Variants in H6PD observed in about 807,000 individuals in gnomAD.
H6PD encodes GDH/6PGL endoplasmic bifunctional protein.
H6PD carries 48 observed loss-of-function variants against 61.2 expected under a neutral mutation model. The ratio of observed to expected loss-of-function variants is 0.78; its 90% CI spans 0.62 to 1.00. The LOEUF (loss-of-function observed/expected upper bound fraction) is 1.00. Ranked by LOEUF, H6PD falls within the 50% of genes least tolerant of loss-of-function variation. The pLI is 0.00. For synonymous variants in H6PD, 480 were observed against 457.9 expected, an observed-to-expected ratio of 1.05 and a Z score of -0.62; for missense variants, 1,093 against 1,065.0, an observed-to-expected ratio of 1.03 and a Z score of -0.37.
Position 9,264,839 on chromosome 1 carries a change from G to A in H6PD, c.2346G>A (p.Trp782Ter). 2.5e-6 allele frequency: 4 copies of A among 1,612,426 alleles called. No individual in the cohort carries two copies. The highest frequency in any genetic ancestry group is 1.3e-5 in the African/African-American group (1 of 75,030). The stretch of plus-strand genomic sequence containing the variant: ...TGCCGCACTCCGGCCAGCTGGTGTG[G>A]TACATGGACTACGACGCCTTCCTGG... ...GVLPHSGQLV[W>*]YMDYDAFLG Residue 782 changes from tryptophan (W) to a stop codon, truncating the protein, a stop_gained, in exon 5 of 5, where the codon TGG becomes TGA. Transcript: ENST00000377403. LOFTEE classifies it high-confidence loss of function.
Position 9,265,083 on chromosome 1 carries a change from A to G in H6PD, c.*214A>G, listed in dbSNP as rs929920105. 2.7e-5 allele frequency: 17 copies of G among 626,188 alleles called. 1 individual carries two copies. The highest frequency in any genetic ancestry group is 1.8e-4 in the African/African-American group (10 of 55,002). 38.8% of individuals were successfully genotyped at this position (626,188 alleles called of 1,614,324 possible). A position where few individuals can be genotyped will look rare whatever the true frequency, so the allele number is the denominator to read the frequency against. On this transcript the variant is annotated 3_prime_UTR_variant, in exon 5 of 5. Coordinates refer to ENST00000377403, the MANE Select transcript of H6PD (RefSeq NM_004285.4). ...GGATAGATGCAGAAACAAGGAAGAA[A>G]TGGAGTCTGCTCCTGAGAAGCTTCA...
intron 1 of H6PD, among the ~76,000 whole-genome samples, chr1:9,243,610 A>C (rs1189662342): frequency 6.6e-6 from 1 of 152,198 alleles, no homozygotes; most frequent in Non-Finnish European, 1.5e-5. Flanking sequence ...GGAAGAATTC[A>C]GTGCAGGAAG....
At position 9,264,794 on chromosome 1, in the gene H6PD, G is replaced by A; in HGVS notation, c.2301G>A (p.Lys767=). The part of the protein sequence containing the change: ...LVSRVGHEPK[K]WPISGVLPHS... ...GCCGGGTGGGCCATGAGCCCAAGAA[G>A]TGGCCCATCTCGGGTGTCCTGCCGC... Residue 767 remains lysine (K), a synonymous_variant, in exon 5 of 5, where the codon AAG becomes AAA. Transcript: ENST00000377403. 6.2e-7 allele frequency: 1 copy of A among 1,613,108 alleles called. No homozygotes were observed. The highest frequency in any genetic ancestry group is 8.5e-7 in the Non-Finnish European group (1 of 1,180,034).
At chr1:9,259,933 G>C (rs1186720144) in intron 3 of H6PD, among the ~76,000 whole-genome samples, 1 of 152,028 alleles carries the variant, frequency 6.6e-6, no homozygotes, top group South Asian at 2.1e-4. Flanking sequence ...TTACGTTGTT[G>C]TTATGCTGGT....
chr1:9,234,941 G>C lies in H6PD; in HGVS notation c.-136G>C, dbSNP rs1640807733. 6.8e-6 allele frequency: 1 copy of C among 147,982 alleles called. No homozygotes were observed. Among genetic ancestry groups the C allele is most frequent in the South Asian group, 2.1e-4 (1 of 4,868 alleles). The allele number at this position is 147,982 out of a possible 1,614,324, so 9.2% of individuals were successfully genotyped here. On this transcript the variant is annotated 5_prime_UTR_variant, in exon 1 of 5. Coordinates refer to ENST00000377403, the MANE Select transcript of H6PD (RefSeq NM_004285.4). ...CCGCGTGACACGCGCACTTGTCGGA[G>C]TGACGGGCCCTGCGGAAGAGGAGGT...
At chr1:9,259,935 T>G (rs2100380807) in intron 3 of H6PD, among the ~76,000 whole-genome samples, 1 of 152,178 alleles carries the variant, frequency 6.6e-6, no homozygotes, top group East Asian at 1.9e-4. Context: ...ACGTTGTTGT[T>G]ATGCTGGTGG....
intron 3 of H6PD, among the ~76,000 whole-genome samples, chr1:9,255,508 C>G (rs563053338): frequency 6.6e-6 from 1 of 152,134 alleles, no homozygotes; most frequent in Non-Finnish European, 1.5e-5. Flanking sequence ...TCTTGAACTC[C>G]TGGACTCAGG....
chr1:9,246,623 C>A (rs968319844), intron 2 of H6PD, among the ~76,000 whole-genome samples: 1 of 152,156 alleles, frequency 6.6e-6, no homozygotes, highest in Non-Finnish European at 1.5e-5. Context: ...TTGTTTATGG[C>A]AAGATGAGAA....
chr1:9,265,944 C>T lies in H6PD; in HGVS notation c.*1075C>T, dbSNP rs1286532425. 6.6e-6 allele frequency: 1 copy of T among 152,314 alleles called. No individual in the cohort carries two copies. The highest frequency in any genetic ancestry group is 1.5e-5 in the Non-Finnish European group (1 of 68,082). The allele number at this position is 152,314 out of a possible 1,614,324, so 9.4% of individuals were successfully genotyped here. A position where few individuals can be genotyped will look rare whatever the true frequency, so the allele number is the denominator to read the frequency against. On this transcript the variant is annotated 3_prime_UTR_variant, in exon 5 of 5. Coordinates refer to ENST00000377403, the MANE Select transcript of H6PD (RefSeq NM_004285.4). The stretch of plus-strand genomic sequence containing the variant: ...TGCTAGCCTTCCTCCAGGAAGCACA[C>T]TGGGTGCAGATAATCAGGACATTCC...
At chr1:9,240,040 T>C in intron 1 of H6PD, 1 of 1,224,924 alleles carries the variant, frequency 8.2e-7, no homozygotes, top group Non-Finnish European at 1.0e-6. Flanking sequence ...CCAGGATGAC[T>C]CGTAGGAGCC....
chr1:9,259,486 A>G (rs1011857510), intron 3 of H6PD, among the ~76,000 whole-genome samples: 4 of 150,774 alleles, frequency 2.7e-5, no homozygotes, highest in Non-Finnish European at 4.4e-5. Flanking sequence ...GTGTTGTTAT[A>G]TTGTTGTTAC....
At chr1:9,251,552 G>A (rs935137459) in intron 3 of H6PD, among the ~76,000 whole-genome samples, 7 of 152,282 alleles carry the variant, frequency 4.6e-5, no homozygotes, top group Admixed American at 3.9e-4. Flanking sequence ...GGAGCCTGAT[G>A]CTTGCCCACC....
At chr1:9,261,551 C>T (rs1053817105) in intron 3 of H6PD, among the ~76,000 whole-genome samples, 8 of 152,222 alleles carry the variant, frequency 5.3e-5, no homozygotes, top group African/African-American at 1.4e-4. Context: ...CACAGGTGTG[C>T]GCCCGGTAGT....
rs1638417789 is a variant in H6PD at position 9,263,643 on chromosome 1, A to G, written c.1150A>G (p.Lys384Glu). 4.3e-6 allele frequency: 7 copies of G among 1,614,050 alleles called. No individual in the cohort carries two copies. The highest frequency in any genetic ancestry group is 1.6e-4 in the Middle Eastern group (1 of 6,084). Residue 384 changes from lysine to glutamate, a missense_variant, in exon 5 of 5, where the codon AAG becomes GAG. By Grantham distance (56) the Lys-to-Glu change is moderately conservative. Transcript: ENST00000377403. Reference sequence around the variant, plus strand: ...CCAGGCCTGCTGTGTGCAGAGCGAAAAGCACTGGGCCGCGGCGCAGAGCCA... The same window carrying G: ...CCAGGCCTGCTGTGTGCAGAGCGAAGAGCACTGGGCCGCGGCGCAGAGCCA... ...KNQACCVQSE[K>E]HWAAAQSQCL...
intron 3 of H6PD, among the ~76,000 whole-genome samples, chr1:9,257,523 A>T (rs1251095098): frequency 6.6e-6 from 1 of 152,204 alleles, no homozygotes; most frequent in African/African-American, 2.4e-5. Context: ...TTTATCCGTG[A>T]CAATGTGTGG....
Position 9,264,427 on chromosome 1 carries a change from G to A in H6PD, c.1934G>A (p.Arg645Gln), listed in dbSNP as rs201573656. 1.0e-4 allele frequency: 162 copies of A among 1,613,112 alleles called. No homozygotes were observed. In the East Asian group the frequency reaches 1.8e-3, roughly 18 times the overall value. The change falls in exon 5 of 5, where the codon CGG (arginine) becomes CAG (glutamine). Residue 645 changes from arginine to glutamine, a missense_variant. Arg to Gln is a conservative substitution (Grantham distance 43). Transcript: ENST00000377403. The part of the protein sequence containing the change: ...GLQAHLLQHV[R>Q]IPYYNIHPMP... Reference sequence around the variant, plus strand: ...CAGGCCCACCTGCTGCAGCACGTCCGGATCCCCTACTACAACATCCACCCC... The same window carrying A: ...CAGGCCCACCTGCTGCAGCACGTCCAGATCCCCTACTACAACATCCACCCC...
chr1:9,252,717 T>C (rs755171455), intron 3 of H6PD, among the ~76,000 whole-genome samples: 15 of 152,214 alleles, frequency 9.9e-5, no homozygotes, highest in Non-Finnish European at 1.9e-4. Flanking sequence ...TTTAAGTATA[T>C]ACTTCGGCAG....
rs1638675989 is a variant in H6PD, at chr1:9,269,318, T to G, written c.*4449T>G. ...GAGGCTGCACCCGTGTGGGTAGCACTGGAAGCGGCACTGTTTGCATTGTAC... is the reference window on the plus strand; with the variant it reads ...GAGGCTGCACCCGTGTGGGTAGCACGGGAAGCGGCACTGTTTGCATTGTAC... On this transcript the variant is annotated 3_prime_UTR_variant, in exon 5 of 5. Coordinates refer to ENST00000377403, the MANE Select transcript of H6PD (RefSeq NM_004285.4). The surrounding 1 kb of genome is among the most constrained non-coding windows in gnomAD (Gnocchi z 4.3). The G allele has an allele frequency of 6.6e-6, 1 of 152,264 alleles. No homozygotes were observed. Among genetic ancestry groups the G allele is most frequent in the African/African-American group, 2.4e-5 (1 of 41,460 alleles). 9.4% of individuals were successfully genotyped at this position (152,264 alleles called of 1,614,324 possible). A position where few individuals can be genotyped will look rare whatever the true frequency, so the allele number is the denominator to read the frequency against.
At position 9,254,857 on chromosome 1, in the gene H6PD, T is replaced by C. The variant is rs1641467585; in HGVS notation, c.746-7202T>C. Among the ~76,000 whole-genome samples the C allele has an allele frequency of 6.6e-6, 1 of 152,136 alleles. No homozygotes were observed. Among genetic ancestry groups the C allele is most frequent in the Non-Finnish European group, 1.5e-5 (1 of 68,032 alleles). On this transcript the variant is annotated intron_variant, in intron 3 of 4. Transcript: ENST00000377403. The surrounding 1 kb of genome is among the most constrained non-coding windows in gnomAD (Gnocchi z 4.6). ...GAAGCCCTGTACCCCTTCGTTGTCA[T>C]CCCACAATTTCCCCCTCTCCCCAGC...
Sources: gnomAD v4.1 joint callset for allele counts (sites outside exome capture counted in the v4.1 genomes callset) on GRCh38, gnomAD v4.1.1 for gene constraint, Gnocchi (gnomAD v3.1) non-coding constraint, MANE v1.5 for transcripts, NCBI Gene and HGNC (gene_info 2026-07-23, HGNC 2026-07-21) for gene names.